The following PLXNA4 variants were observed in gnomAD, a reference collection of about 807,000 sequenced individuals.
The protein encoded by PLXNA4 is plexin-A4.
A neutral mutation model predicts 191.8 loss-of-function variants in PLXNA4; 44 were observed. The ratio of observed to expected loss-of-function variants is 0.23; its 90% confidence interval spans 0.18 to 0.29. The LOEUF is 0.29. Among genes scored for constraint, PLXNA4 ranks in the 10% least tolerant of loss-of-function variants. PLXNA4 has a pLI of 1.00. For missense variants in PLXNA4, 1,800 were observed against 2,488.8 expected (o/e 0.72, Z 5.89); for synonymous variants, 1,082 against 1,009.5 (o/e 1.07, Z -1.36).
At chr7:132,194,724 C>T (rs539868691) in intron 13 of PLXNA4, among the ~76,000 whole-genome samples, 31 of 152,036 alleles carry the variant, frequency 2.0e-4, no homozygotes, top group Non-Finnish European at 3.4e-4. Context: ...TGTGTGTATG[C>T]GTGTGTGAAC....
intron 3 of PLXNA4, chr7:132,383,528 T>C: frequency 3.1e-6 from 3 of 967,270 alleles, no homozygotes; most frequent in Non-Finnish European, 3.7e-6. Flanking sequence ...ATTTTATTCA[T>C]TGTATCATGC....
intron 2 of PLXNA4, among the ~76,000 whole-genome samples, chr7:132,505,116 C>T (rs951833391): frequency 2.0e-5 from 3 of 152,258 alleles, no homozygotes; most frequent in Non-Finnish European, 2.9e-5. Context: ...ACTCTCGGCC[C>T]TGAACTTGCC....
At chr7:132,583,679 G>T (rs1802450854) in intron 2 of PLXNA4, among the ~76,000 whole-genome samples, 1 of 152,208 alleles carries the variant, frequency 6.6e-6, no homozygotes, top group Non-Finnish European at 1.5e-5. Context: ...CCACTTTAGT[G>T]TCTGCCTCCA....
At chr7:132,158,157 C>G (rs1351187292) in intron 25 of PLXNA4, among the ~76,000 whole-genome samples, 1 of 152,158 alleles carries the variant, frequency 6.6e-6, no homozygotes, top group African/African-American at 2.4e-5. Flanking sequence ...AGCCAAGAGC[C>G]AAGAGAGAGG....
intron 3 of PLXNA4, among the ~76,000 whole-genome samples, chr7:132,350,152 T>C (rs1307667068): frequency 1.3e-5 from 2 of 152,152 alleles, no homozygotes; most frequent in African/African-American, 4.8e-5. Flanking sequence ...AGCTGAGGTT[T>C]AAATTCTGTT....
chr7:132,198,470 T>G lies in PLXNA4; in HGVS notation c.2738+15A>C. 6.2e-7 allele frequency: 1 copy of G among 1,612,652 alleles called. No homozygotes were observed. The highest frequency in any genetic ancestry group is 1.1e-5 in the South Asian group (1 of 90,834). On this transcript the variant is annotated intron_variant, in intron 13 of 31. Transcript: ENST00000321063. ...CCTCCCCTGTTCCTCCTGTGTTGCA[T>G]GCAGCTTCACTTACTGTTCTGCAGG...
chr7:132,536,563 T>C (rs1799842112), intron 1 of PLXNA4, among the ~76,000 whole-genome samples: 1 of 152,186 alleles, frequency 6.6e-6, no homozygotes, highest in Non-Finnish European at 1.5e-5. Flanking sequence ...GCTTCTCCTC[T>C]GAGCAAACCT....
chr7:132,240,836 C>T (rs1431571338), intron 5 of PLXNA4, among the ~76,000 whole-genome samples: 2 of 152,092 alleles, frequency 1.3e-5, no homozygotes, highest in Non-Finnish European at 2.9e-5. Context: ...GTCATGATTC[C>T]CATGCCACCG....
intron 3 of PLXNA4, among the ~76,000 whole-genome samples, chr7:132,353,447 C>CAT (rs59890004): frequency 0.22 from 33,308 of 149,364 alleles, 3,653 homozygotes; most frequent in East Asian, 0.26. Flanking sequence ...TTCTATGCAA[C>CAT]ATATATATAT....
chr7:132,197,304 A>G (rs1345867152), intron 13 of PLXNA4, among the ~76,000 whole-genome samples: 1 of 152,160 alleles, frequency 6.6e-6, no homozygotes, highest in Non-Finnish European at 1.5e-5. Flanking sequence ...ATTGAATGGT[A>G]TTTCCTTGGG....
At chr7:132,396,115 T>G (rs1282351461) in intron 3 of PLXNA4, among the ~76,000 whole-genome samples, 2 of 152,040 alleles carry the variant, frequency 1.3e-5, no homozygotes, top group Non-Finnish European at 2.9e-5. Flanking sequence ...GTGGTCAAAG[T>G]GATCACATCA....
chr7:132,457,992 A>G (rs117104489), intron 3 of PLXNA4, among the ~76,000 whole-genome samples: 2 of 152,290 alleles, frequency 1.3e-5, no homozygotes, highest in Non-Finnish European at 2.9e-5. Context: ...CTGTAAGAGA[A>G]TACATTTGTG....
chr7:132,153,042 C>A (rs1317358967), intron 25 of PLXNA4, among the ~76,000 whole-genome samples: 1 of 152,204 alleles, frequency 6.6e-6, no homozygotes, highest in Non-Finnish European at 1.5e-5. Flanking sequence ...AAGCCCTTGC[C>A]CTTGAAGACT....
At chr7:132,476,553 G>A (rs1302618290) in intron 3 of PLXNA4, among the ~76,000 whole-genome samples, 2 of 152,210 alleles carry the variant, frequency 1.3e-5, no homozygotes, top group African/African-American at 4.8e-5. Flanking sequence ...CTGATACGGA[G>A]GCATGTGAGC....
intron 3 of PLXNA4, among the ~76,000 whole-genome samples, chr7:132,455,190 T>C (rs1461322808): frequency 6.6e-6 from 1 of 152,120 alleles, no homozygotes; most frequent in African/African-American, 2.4e-5. Context: ...GTTCCGCTGT[T>C]TGCCTCCCTC....
intron 12 of PLXNA4, among the ~76,000 whole-genome samples, chr7:132,201,145 C>T (rs1241336044): frequency 6.6e-6 from 1 of 152,164 alleles, no homozygotes; most frequent in Admixed American, 6.5e-5. Context: ...GGAAGCTACA[C>T]AGGGAGAAGA....
At chr7:132,347,662 C>T (rs1045014550) in intron 3 of PLXNA4, among the ~76,000 whole-genome samples, 3 of 152,100 alleles carry the variant, frequency 2.0e-5, no homozygotes, top group Admixed American at 1.3e-4. Context: ...GGGGGACAAG[C>T]AGTTGTGTGC....
intron 2 of PLXNA4, among the ~76,000 whole-genome samples, chr7:132,605,397 T>G (rs1019692884): frequency 4.6e-5 from 7 of 152,170 alleles, no homozygotes; most frequent in Non-Finnish European, 8.8e-5. Flanking sequence ...AGTCAACAGA[T>G]CTTTGTCCCC....
chr7:132,558,676 C>A (rs1264420100), intron 1 of PLXNA4, among the ~76,000 whole-genome samples: 1 of 152,234 alleles, frequency 6.6e-6, no homozygotes, highest in Non-Finnish European at 1.5e-5. Flanking sequence ...CAACAATCGG[C>A]CTGGGGCCAA....
Sources: gnomAD v4.1 joint callset for allele counts (sites outside exome capture counted in the v4.1 genomes callset) on GRCh38, gnomAD v4.1.1 for gene constraint, MANE v1.5 for transcripts, NCBI Gene and HGNC (gene_info 2026-07-23, HGNC 2026-07-21) for gene names.